KPNA1: variants seen among roughly 807,000 people sequenced by gnomAD.
KPNA1 encodes karyopherin subunit alpha 1.
Under a neutral mutation model 70.5 loss-of-function variants are expected in KPNA1, and 10 were observed. The observed-to-expected ratio is 0.14, with a 90% CI of 0.09 to 0.24. The LOEUF is 0.24. Ranked by LOEUF, KPNA1 falls within the 10% of genes least tolerant of loss-of-function variation. The pLI, the probability that KPNA1 is intolerant of heterozygous loss-of-function variation, is 1.00. For synonymous variants in KPNA1, 192 were observed against 221.9 expected (o/e 0.87, Z 1.20); for missense variants, 397 against 637.9 (o/e 0.62, Z 4.07).
At chr3:122,449,037 C>T in intron 9 of KPNA1, among the ~76,000 whole-genome samples, 1 of 152,198 alleles carries the variant, frequency 6.6e-6, no homozygotes, top group Middle Eastern at 3.2e-3. Flanking sequence ...TCTCCCATAC[C>T]TTGTAACTGT....
Position 122,467,419 on chromosome 3 carries a change from C to A in KPNA1, c.140G>T (p.Arg47Leu). Residue 47 changes from arginine to leucine, a missense_variant, in exon 3 of 14, where the codon CGG (arginine) becomes CTG (leucine). Arg to Leu is a moderately radical substitution (Grantham distance 102). Coordinates refer to ENST00000344337, the MANE Select transcript of KPNA1 (RefSeq NM_002264.4). The part of the protein sequence containing the change: ...KQKREEQLFK[R>L]RNVATAEEET... ...TTCTTCTGCTGTAGCAACATTTCTC[C>A]GCTTGAATAACTGAAAGATAAAAGA... is the stretch of plus-strand genomic sequence containing the variant. The A allele has an allele frequency of 6.2e-7, 1 of 1,600,050 alleles. No individual in the cohort carries two copies. Among genetic ancestry groups the A allele is most frequent in the South Asian group, 1.1e-5 (1 of 90,294 alleles).
At chr3:122,490,767 GTGTTT>G (rs1234687110) in intron 2 of KPNA1, among the ~76,000 whole-genome samples, 1 of 152,146 alleles carries the variant, frequency 6.6e-6, no homozygotes, top group African/African-American at 2.4e-5. Flanking sequence ...GACAGAGCTG[GTGTTT>G]TGTTTTATTA....
rs1425746229 is a variant in KPNA1, at chr3:122,426,845, G to A, written c.*140C>T. On this transcript the variant is annotated 3_prime_UTR_variant, in exon 14 of 14. Transcript: ENST00000344337. ...TTTCCAGATGTGTGTAAGAGAGCAG[G>A]TGCGCAAGGCAAGCAAATGAGCGCA... 6 of 624,984 alleles carry A rather than the reference G, an allele frequency of 9.6e-6. No homozygotes were observed. The highest frequency in any genetic ancestry group is 1.6e-5 in the Non-Finnish European group (6 of 365,048). 38.7% of individuals were successfully genotyped at this position (624,984 alleles called of 1,614,324 possible). A position where few individuals can be genotyped will look rare whatever the true frequency, so the allele number is the denominator to read the frequency against.
chr3:122,462,020 GC>G (rs1204191282), intron 4 of KPNA1, among the ~76,000 whole-genome samples: 4 of 152,254 alleles, frequency 2.6e-5, no homozygotes, highest in African/African-American at 9.6e-5. Flanking sequence ...CAAGTCGATG[GC>G]CTTACTGAAA....
intron 2 of KPNA1, among the ~76,000 whole-genome samples, chr3:122,476,632 CATAAAATGGCCA>C (rs752419072): frequency 6.6e-5 from 10 of 151,694 alleles, no homozygotes; most frequent in Admixed American, 1.3e-4. Flanking sequence ...AAAAAGAAGA[CATAAAATGGCCA>C]ATAAGTATAT....
intron 2 of KPNA1, among the ~76,000 whole-genome samples, chr3:122,476,861 C>CAAAAAAAAAAAAAAAAAAAAAA (rs144118691): frequency 1.8e-4 from 12 of 65,500 alleles, no homozygotes; most frequent in African/African-American, 2.3e-4. Flanking sequence ...GGAGGTTCCA[C>CAAAAAAAAAAAAAAAAAAAAAA]AAAAAAAAAA....
At chr3:122,498,398 C>G (rs1381009088) in intron 1 of KPNA1, among the ~76,000 whole-genome samples, 3 of 152,180 alleles carry the variant, frequency 2.0e-5, no homozygotes, top group African/African-American at 7.2e-5. Flanking sequence ...CAGGCTCTCA[C>G]CAGACACTGA....
At chr3:122,514,377 C>A in intron 1 of KPNA1, 1 of 151,888 alleles carries the variant, frequency 6.6e-6, no homozygotes, top group South Asian at 1.8e-4. Context: ...CCCCGCCTCC[C>A]GCCCGCCGCC....
chr3:122,463,114 G>A (rs1365715326), intron 4 of KPNA1, among the ~76,000 whole-genome samples: 6 of 152,136 alleles, frequency 3.9e-5, no homozygotes, highest in Admixed American at 1.3e-4. Context: ...CACTTTGGGA[G>A]GCCGAGGCAG....
intron 2 of KPNA1, among the ~76,000 whole-genome samples, chr3:122,489,035 C>T (rs1335861878): frequency 7.9e-6 from 1 of 126,526 alleles, no homozygotes; most frequent in Non-Finnish European, 1.6e-5. Flanking sequence ...TCCCATAACT[C>T]GCTTGTGGGT....
At position 122,437,298 on chromosome 3, in the gene KPNA1, A is replaced by G. The variant is rs1051167897; in HGVS notation, c.997-3T>C. ...AGAGCTGAGCAATTCAGAATTACCT[A>G]AAAGAAAAAGTTTGAAAATTTTACT... On this transcript the variant is annotated splice_polypyrimidine_tract_variant and splice_region_variant and intron_variant, in intron 10 of 13. Transcript: ENST00000344337. 3.8e-6 allele frequency: 6 copies of G among 1,589,518 alleles called. No individual in the cohort carries two copies. The highest frequency in any genetic ancestry group is 5.1e-6 in the Non-Finnish European group (6 of 1,170,580).
At chr3:122,463,825 T>C (rs2076352079) in intron 4 of KPNA1, 117 bp downstream of exon 4, 1 of 506,394 alleles carries the variant, frequency 2.0e-6, no homozygotes, top group South Asian at 3.7e-5. Context: ...TCTGTATTTT[T>C]ATTCTTTTAT....
At chr3:122,505,135 C>G (rs1456034251) in intron 1 of KPNA1, among the ~76,000 whole-genome samples, 1 of 151,924 alleles carries the variant, frequency 6.6e-6, no homozygotes, top group Non-Finnish European at 1.5e-5. Context: ...GAAACCCCGC[C>G]TCTACTAAAA....
intron 2 of KPNA1, among the ~76,000 whole-genome samples, chr3:122,494,386 G>A (rs1201995755): frequency 1.3e-5 from 2 of 152,036 alleles, no homozygotes; most frequent in East Asian, 3.9e-4. Context: ...CATTGAATAG[G>A]GTATCCTTTC....
intron 1 of KPNA1, among the ~76,000 whole-genome samples, chr3:122,508,882 T>G (rs1429233187): frequency 6.6e-6 from 1 of 152,260 alleles, no homozygotes; most frequent in Admixed American, 6.5e-5. Flanking sequence ...GGTAACAAAA[T>G]TTTTAAAACT....
At chr3:122,507,469 A>T (rs1263945802) in intron 1 of KPNA1, among the ~76,000 whole-genome samples, 2 of 151,682 alleles carry the variant, frequency 1.3e-5, no homozygotes, top group African/African-American at 4.8e-5. Flanking sequence ...AAGAGAAGAT[A>T]TCAGCATATA....
intron 2 of KPNA1, among the ~76,000 whole-genome samples, chr3:122,470,094 G>C (rs994905506): frequency 1.4e-4 from 22 of 152,168 alleles, no homozygotes; most frequent in Admixed American, 1.2e-3. Context: ...ATGAATAAGT[G>C]AATGTAAAAT....
chr3:122,465,997 T>C (rs1560036599), intron 3 of KPNA1, among the ~76,000 whole-genome samples: 2 of 152,226 alleles, frequency 1.3e-5, no homozygotes, highest in Admixed American at 1.3e-4. Flanking sequence ...AGAACCCTAA[T>C]ACAATCCATA....
intron 1 of KPNA1, among the ~76,000 whole-genome samples, chr3:122,512,080 A>G (rs377421927): frequency 1.3e-5 from 2 of 152,312 alleles, no homozygotes; most frequent in East Asian, 3.9e-4. Context: ...TACGTATAAA[A>G]TAATTCTTAA....
Sources: gnomAD v4.1 joint callset for allele counts (sites outside exome capture counted in the v4.1 genomes callset) on GRCh38, gnomAD v4.1.1 for gene constraint, MANE v1.5 for transcripts, NCBI Gene and HGNC (gene_info 2026-07-23, HGNC 2026-07-21) for gene names.